Variants in CDYL2 observed in about 807,000 individuals in gnomAD.
CDYL2 encodes chromodomain Y-like protein 2.
Under a neutral mutation model 49.4 loss-of-function variants are expected in CDYL2, and 23 were observed. The ratio of observed to expected loss-of-function variants is 0.47; its 90% CI spans 0.34 to 0.66. The LOEUF is 0.66. Ranked by LOEUF, CDYL2 falls within the 30% of genes least tolerant of loss-of-function variation. CDYL2 has a pLI of 0.01. For synonymous variants in CDYL2, 360 were observed against 268.8 expected (o/e 1.34, Z -3.32); for missense variants, 678 against 656.4 (o/e 1.03, Z -0.36).
intron 1 of CDYL2, among the ~76,000 whole-genome samples, chr16:80,798,338 C>T (rs548679719): frequency 5.1e-4 from 77 of 152,288 alleles, no homozygotes; most frequent in Admixed American, 2.0e-3. Context: ...CCACAGTGCC[C>T]GGCCTGTGCA....
At chr16:80,642,181 G>A (rs1382618455) in intron 2 of CDYL2, among the ~76,000 whole-genome samples, 3 of 152,168 alleles carry the variant, frequency 2.0e-5, no homozygotes, top group Non-Finnish European at 4.4e-5. Context: ...GGTGGCTCAC[G>A]CCTGTAATCC....
At chr16:80,706,817 C>T (rs1486783656) in intron 1 of CDYL2, among the ~76,000 whole-genome samples, 1 of 152,126 alleles carries the variant, frequency 6.6e-6, no homozygotes, top group Non-Finnish European at 1.5e-5. Flanking sequence ...ATCTTCATCA[C>T]GGGAAGGCAG....
chr16:80,617,406 G>A (rs545838401), intron 4 of CDYL2, among the ~76,000 whole-genome samples: 1 of 152,334 alleles, frequency 6.6e-6, no homozygotes, highest in African/African-American at 2.4e-5. Flanking sequence ...CTTCTTGTAA[G>A]TATGCTAATA....
At chr16:80,653,184 G>C (rs1428505771) in intron 2 of CDYL2, among the ~76,000 whole-genome samples, 1 of 152,228 alleles carries the variant, frequency 6.6e-6, no homozygotes, top group East Asian at 1.9e-4. Context: ...AGTGAAATTT[G>C]GCTGGGCGCG....
At chr16:80,715,278 G>A (rs1320523756) in intron 1 of CDYL2, among the ~76,000 whole-genome samples, 1 of 152,128 alleles carries the variant, frequency 6.6e-6, no homozygotes, top group African/African-American at 2.4e-5. Context: ...CTGGCCTGAG[G>A]ATACAGGAAT....
intron 2 of CDYL2, among the ~76,000 whole-genome samples, chr16:80,652,514 A>C (rs1908627313): frequency 6.6e-6 from 1 of 152,222 alleles, no homozygotes; most frequent in South Asian, 2.1e-4. Flanking sequence ...AGTTTGTGTA[A>C]ATATTGCAAC....
chr16:80,761,902 A>C (rs937853832), intron 1 of CDYL2, among the ~76,000 whole-genome samples: 1 of 151,198 alleles, frequency 6.6e-6, no homozygotes, highest in Non-Finnish European at 1.5e-5. Context: ...AAAAAAACAA[A>C]GACTGGCCAG....
intron 2 of CDYL2, chr16:80,639,762 C>A (rs1055700733): frequency 1.8e-5 from 8 of 455,718 alleles, no homozygotes; most frequent in Non-Finnish European, 3.1e-5. Flanking sequence ...CTCCCCTCCC[C>A]CTGAAGCAGT....
intron 2 of CDYL2, among the ~76,000 whole-genome samples, chr16:80,644,288 A>G (rs1373295353): frequency 6.6e-6 from 1 of 152,238 alleles, no homozygotes; most frequent in Non-Finnish European, 1.5e-5. Flanking sequence ...CTTATTGTCC[A>G]TATCACTTAT....
intron 1 of CDYL2, among the ~76,000 whole-genome samples, chr16:80,803,278 A>G (rs1907981845): frequency 6.6e-6 from 1 of 152,328 alleles, no homozygotes; most frequent in African/African-American, 2.4e-5. Context: ...TTGGGAAGAC[A>G]TGAGAGTATC....
intron 1 of CDYL2, among the ~76,000 whole-genome samples, chr16:80,791,303 C>A (rs1907599693): frequency 6.6e-6 from 1 of 152,174 alleles, no homozygotes; most frequent in Admixed American, 6.5e-5. Flanking sequence ...ATAGAGATAT[C>A]TGAGATGATT....
chr16:80,677,131 T>C (rs542304906), intron 2 of CDYL2, among the ~76,000 whole-genome samples: 95 of 151,920 alleles, frequency 6.3e-4, no homozygotes, highest in African/African-American at 2.1e-3. Flanking sequence ...CCACCACACC[T>C]GGCTAATTTT....
At position 80,602,576 on chromosome 16, in the gene CDYL2, G is replaced by A. The variant is rs1906138175; in HGVS notation, c.*1812C>T. 1 of 152,232 alleles carries A rather than the reference G, an allele frequency of 6.6e-6. No individual in the cohort carries two copies. Among genetic ancestry groups the A allele is most frequent in the Admixed American group, 6.5e-5 (1 of 15,268 alleles). 9.4% of individuals were successfully genotyped at this position (152,232 alleles called of 1,614,324 possible). On this transcript the variant is annotated 3_prime_UTR_variant, in exon 7 of 7. Transcript: ENST00000570137. ...CCTGCCCTGCCCAGTGCACCTGATT[G>A]CCAGGAAAAGATAAAGGACCACAGA...
chr16:80,795,896 G>A (rs555122213), intron 1 of CDYL2, among the ~76,000 whole-genome samples: 23 of 152,334 alleles, frequency 1.5e-4, no homozygotes, highest in African/African-American at 5.3e-4. Flanking sequence ...GACTGAAACA[G>A]AAGAAGAGTT....
At position 80,604,576 on chromosome 16, in the gene CDYL2, C is replaced by T. The variant is rs184380202; in HGVS notation, c.1363-30G>A. On this transcript the variant is annotated intron_variant, in intron 6 of 6. Coordinates refer to ENST00000570137, the MANE Select transcript of CDYL2 (RefSeq NM_152342.4). ...AGGGAAATAGACAGGCCTGATTAGC[C>T]GGGCACCAGGGACTCTGCTCCAGAA... The T allele has an allele frequency of 9.2e-5, 148 of 1,613,048 alleles. No individual in the cohort carries two copies. The African/African-American group carries it at 1.5e-3, about 17-fold the overall frequency.
At chr16:80,753,440 C>T (rs1273488155) in intron 1 of CDYL2, among the ~76,000 whole-genome samples, 4 of 152,016 alleles carry the variant, frequency 2.6e-5, no homozygotes, top group Admixed American at 6.6e-5. Flanking sequence ...GAAACCCCAT[C>T]TCTAATAAAA....
chr16:80,731,035 G>C (rs1242121187), intron 1 of CDYL2, among the ~76,000 whole-genome samples: 1 of 152,122 alleles, frequency 6.6e-6, no homozygotes, highest in African/African-American at 2.4e-5. Flanking sequence ...ACTGACAGAG[G>C]TGACAACTTC....
At chr16:80,610,599 T>C (rs927548840) in intron 5 of CDYL2, among the ~76,000 whole-genome samples, 5 of 151,970 alleles carry the variant, frequency 3.3e-5, no homozygotes, top group African/African-American at 1.2e-4. Context: ...AAAAAACCCA[T>C]GCTAGAGCTA....
chr16:80,686,156 G>A (rs1025694703), intron 1 of CDYL2, among the ~76,000 whole-genome samples: 20 of 152,202 alleles, frequency 1.3e-4, no homozygotes, highest in African/African-American at 4.8e-4. Flanking sequence ...AAAGCCATGA[G>A]CTACTGTCTA....
Sources: allele counts gnomAD v4.1 joint callset (sites outside exome capture counted in the v4.1 genomes callset), GRCh38; gene constraint gnomAD v4.1.1; transcripts MANE v1.5; gene names NCBI Gene and HGNC (gene_info 2026-07-23, HGNC 2026-07-21).